Variants in C8orf34 observed in about 807,000 individuals in gnomAD.
C8orf34 encodes chromosome 8 open reading frame 34.
C8orf34 carries 65 observed loss-of-function variants against 68.3 expected under a neutral mutation model. That is an observed-to-expected ratio of 0.95 (90% CI 0.78 to 1.17). The LOEUF (loss-of-function observed/expected upper bound fraction) is 1.17, where lower values mean the gene tolerates loss of function less well. Among genes scored for constraint, C8orf34 ranks in the 50% most tolerant of loss-of-function variants. The probability of loss-of-function intolerance (pLI) is 0.00; values close to 1 mark genes in which losing one functional copy is unlikely to be tolerated. For synonymous variants in C8orf34, 244 were observed against 241.2 expected (o/e 1.01, Z -0.11); for missense variants, 664 against 655.4 (o/e 1.01, Z -0.14).
chr8:68,797,232 A>G (rs1301641492), intron 12 of C8orf34, among the ~76,000 whole-genome samples: 2 of 152,202 alleles, frequency 1.3e-5, no homozygotes, highest in African/African-American at 4.8e-5. Context: ...CGCTTAGGAG[A>G]GGCTAATCTA....
At chr8:68,762,634 A>G (rs765021167) in intron 10 of C8orf34, among the ~76,000 whole-genome samples, 1 of 152,192 alleles carries the variant, frequency 6.6e-6, no homozygotes, top group Non-Finnish European at 1.5e-5. Context: ...CTCAGTGTTC[A>G]GTCATGTTCA....
chr8:68,602,533 G>A (rs1380978080), intron 7 of C8orf34, among the ~76,000 whole-genome samples: 1 of 151,938 alleles, frequency 6.6e-6, no homozygotes, highest in Non-Finnish European at 1.5e-5. Context: ...AATAGCATGA[G>A]GGTAACCACC....
At chr8:68,545,566 G>A (rs1815848061) in intron 7 of C8orf34, among the ~76,000 whole-genome samples, 1 of 152,038 alleles carries the variant, frequency 6.6e-6, no homozygotes, top group Admixed American at 6.6e-5. Flanking sequence ...AATAACTACG[G>A]CCAAAACACA....
chr8:68,555,606 T>C (rs928039433), intron 7 of C8orf34, among the ~76,000 whole-genome samples: 2 of 152,148 alleles, frequency 1.3e-5, no homozygotes, highest in East Asian at 1.9e-4. Context: ...GTAATTATTA[T>C]GCTGATGTTG....
At chr8:68,579,070 G>A (rs1816987832) in intron 7 of C8orf34, among the ~76,000 whole-genome samples, 1 of 151,990 alleles carries the variant, frequency 6.6e-6, no homozygotes, top group African/African-American at 2.4e-5. Context: ...TACTTAAATG[G>A]TTGCTGTTTT....
At chr8:68,524,466 G>T (rs565988454) in intron 6 of C8orf34, among the ~76,000 whole-genome samples, 1 of 152,324 alleles carries the variant, frequency 6.6e-6, no homozygotes, top group East Asian at 1.9e-4. Flanking sequence ...TAAGACAAGA[G>T]ATACTAACAT....
In C8orf34 at chr8:68,768,197, A is replaced by G. The variant is rs74700153; in HGVS notation, c.1405-8202A>G. ...GAGAGCTCCTTCAAGTTTGTTTATG[A>G]GTCATTTTGCAATGCCCCTGGTAGT... is the stretch of plus-strand genomic sequence containing the variant. On this transcript the variant is annotated intron_variant, in intron 10 of 13. Coordinates refer to ENST00000518698, the MANE Select transcript of C8orf34 (RefSeq NM_052958.4). 8.5e-3 allele frequency among the ~76,000 whole-genome samples: 1,293 copies of G among 152,286 alleles called. 21 individuals are homozygous for G. The highest frequency in any genetic ancestry group is 0.029 in the African/African-American group (1,222 of 41,570).
intron 1 of C8orf34, among the ~76,000 whole-genome samples, chr8:68,400,919 T>C (rs1808923735): frequency 6.6e-6 from 1 of 152,130 alleles, no homozygotes; most frequent in Non-Finnish European, 1.5e-5. Context: ...ATGAAAATGA[T>C]GTTGGTGTTT....
intron 1 of C8orf34, among the ~76,000 whole-genome samples, chr8:68,333,931 TAGTTTA>T (rs1394240164): frequency 6.6e-6 from 1 of 152,198 alleles, no homozygotes; most frequent in African/African-American, 2.4e-5. Context: ...CCCTTGTGGA[TAGTTTA>T]AGTTAGGAAT....
chr8:68,356,964 G>T (rs1806775915), intron 1 of C8orf34, among the ~76,000 whole-genome samples: 1 of 152,044 alleles, frequency 6.6e-6, no homozygotes, highest in Non-Finnish European at 1.5e-5. Flanking sequence ...TTATTTGTCT[G>T]TACATTGAAA....
intron 7 of C8orf34, among the ~76,000 whole-genome samples, chr8:68,608,506 G>A (rs1206465025): frequency 6.6e-6 from 1 of 151,640 alleles, no homozygotes; most frequent in Non-Finnish European, 1.5e-5. Context: ...GTGAGCAAAG[G>A]CATAATGCTA....
At chr8:68,518,900 A>AAAAAG (rs1432113192) in intron 5 of C8orf34, among the ~76,000 whole-genome samples, 1 of 151,780 alleles carries the variant, frequency 6.6e-6, no homozygotes, top group Non-Finnish European at 1.5e-5. Flanking sequence ...AAAAAAAAAA[A>AAAAAG]AAAGGCAAGT....
At chr8:68,465,699 G>A (rs946980127) in intron 3 of C8orf34, among the ~76,000 whole-genome samples, 20 of 151,748 alleles carry the variant, frequency 1.3e-4, no homozygotes, top group Non-Finnish European at 2.5e-4. Flanking sequence ...ACTATCGCAA[G>A]GACAAAAAAC....
chr8:68,816,739 A>G (rs1824830913), intron 13 of C8orf34, among the ~76,000 whole-genome samples: 1 of 152,200 alleles, frequency 6.6e-6, no homozygotes, highest in Non-Finnish European at 1.5e-5. Flanking sequence ...TCAATGTACT[A>G]TGATATAGCT....
At chr8:68,668,742 TGGGCAGAGAGGA>T (rs1819917461) in intron 8 of C8orf34, among the ~76,000 whole-genome samples, 1 of 152,134 alleles carries the variant, frequency 6.6e-6, no homozygotes, top group South Asian at 2.1e-4. Flanking sequence ...CTCCTGTTGA[TGGGCAGAGAGGA>T]AGGCAGAGAA....
chr8:68,742,665 A>T (rs546993952), intron 10 of C8orf34, among the ~76,000 whole-genome samples: 5 of 152,152 alleles, frequency 3.3e-5, no homozygotes, highest in South Asian at 4.1e-4. Flanking sequence ...TGTACAAATG[A>T]TTTCATTTTC....
At chr8:68,637,778 G>A (rs1818889148) in intron 7 of C8orf34, among the ~76,000 whole-genome samples, 1 of 152,142 alleles carries the variant, frequency 6.6e-6, no homozygotes, top group African/African-American at 2.4e-5. Context: ...ATTTATCCAT[G>A]TAAGTTCAAG....
At chr8:68,338,254 G>T (rs1805932045) in intron 1 of C8orf34, among the ~76,000 whole-genome samples, 2 of 152,110 alleles carry the variant, frequency 1.3e-5, no homozygotes, top group South Asian at 4.2e-4. Flanking sequence ...AGCTTTCTTG[G>T]TCTAATCATC....
At chr8:68,401,906 G>T (rs948150981) in intron 1 of C8orf34, among the ~76,000 whole-genome samples, 3 of 150,932 alleles carry the variant, frequency 2.0e-5, no homozygotes, top group African/African-American at 4.9e-5. Flanking sequence ...TGGTTTTGGT[G>T]CCAGGGTGAT....
Sources: gnomAD v4.1 joint callset for allele counts (sites outside exome capture counted in the v4.1 genomes callset) on GRCh38, gnomAD v4.1.1 for gene constraint, MANE v1.5 for transcripts, NCBI Gene and HGNC (gene_info 2026-07-23, HGNC 2026-07-21) for gene names.